Variants in ITSN1 observed in about 807,000 individuals in gnomAD.
ITSN1 encodes intersectin-1.
In ITSN1, 58 loss-of-function variants were observed where a neutral mutation model predicts 239.8. The ratio of observed to expected loss-of-function variants is 0.24; its 90% confidence interval spans 0.20 to 0.30. The LOEUF is 0.30. Ranked by LOEUF, ITSN1 falls within the 10% of genes least tolerant of loss-of-function variation. The pLI is 1.00. For missense variants in ITSN1, 1,558 were observed against 2,103.3 expected, an observed-to-expected ratio of 0.74 and a Z score of 5.07; for synonymous variants, 780 against 770.8, an observed-to-expected ratio of 1.01 and a Z score of -0.20.
intron 4 of ITSN1, among the ~76,000 whole-genome samples, chr21:33,727,956 CAGCA>C (rs1422127793): frequency 2.0e-5 from 3 of 151,538 alleles, no homozygotes; most frequent in Non-Finnish European, 4.4e-5. Flanking sequence ...AGTCTCCAAA[CAGCA>C]GCTGGAATTT....
chr21:33,728,609 T>G (rs2147180822), intron 4 of ITSN1, among the ~76,000 whole-genome samples: 1 of 152,272 alleles, frequency 6.6e-6, no homozygotes, highest in African/African-American at 2.4e-5. Flanking sequence ...TATAATTCAG[T>G]TGCTCTAGTT....
rs764741557 is a variant in ITSN1, at chr21:33,819,310, C to T, written c.3003C>T (p.Val1001=). ...KRVASPAAKP[V]VSGEEFIAMY... is the part of the protein sequence containing the mutation. ...TAGCCTCTCCAGCAGCCAAGCCGGT[C>T]GTTTCGGGAGAAGGTGAGGGCCTGA... The change falls in exon 24 of 40, where the codon GTC becomes GTT. Residue 1001 remains valine, a synonymous_variant. Coordinates refer to ENST00000381318, the MANE Select transcript of ITSN1 (RefSeq NM_003024.3). 1 of 1,613,794 alleles carries T rather than the reference C, an allele frequency of 6.2e-7. No individual in the cohort carries two copies. Among genetic ancestry groups the T allele is most frequent in the Non-Finnish European group, 8.5e-7 (1 of 1,179,744 alleles).
intron 28 of ITSN1, among the ~76,000 whole-genome samples, chr21:33,835,411 A>G (rs979964991): frequency 1.1e-4 from 17 of 152,204 alleles, no homozygotes; most frequent in Non-Finnish European, 4.4e-5. Flanking sequence ...GGAGAATTTA[A>G]AAAGCCTAAA....
chr21:33,847,612 C>T (rs936169194), intron 29 of ITSN1, among the ~76,000 whole-genome samples: 5 of 152,124 alleles, frequency 3.3e-5, no homozygotes, highest in Admixed American at 6.5e-5. Flanking sequence ...GTGGTGGCAG[C>T]GTGGCCTGAG....
At position 33,898,590 on chromosome 21, in the gene ITSN1, C is replaced by T. The variant is rs1184211928; in HGVS notation, c.*10290C>T. On this transcript the variant is annotated 3_prime_UTR_variant, in exon 40 of 40. Transcript: ENST00000381318. ...AAATGATTTCAGGAGGGGGCAACCC[C>T]AGGAGTCCAGCCTCCCCTGGCAGCC... The T allele has an allele frequency of 6.6e-6, 1 of 152,242 alleles. No individual in the cohort carries two copies. The highest frequency in any genetic ancestry group is 2.4e-5 in the African/African-American group (1 of 41,456). The allele number at this position is 152,242 out of a possible 1,614,324, so 9.4% of individuals were successfully genotyped here.
intron 5 of ITSN1, among the ~76,000 whole-genome samples, chr21:33,743,565 C>G (rs1336709794): frequency 6.6e-6 from 1 of 152,074 alleles, no homozygotes; most frequent in Non-Finnish European, 1.5e-5. Context: ...CAGCAGGAGT[C>G]CCTGAGGAAG....
rs2072872875 is a variant in ITSN1, at chr21:33,811,048, C to T, written c.2393C>T (p.Ala798Val). Residue 798 changes from alanine (A) to valine (V), a missense_variant, in exon 21 of 40, where the codon GCA (alanine) becomes GTA (valine). Around this residue, in one of 2 missense-constraint regions of ITSN1, gnomAD observed 982 missense variants for 1,209.9 expected, o/e 0.81. Coordinates refer to ENST00000381318, the MANE Select transcript of ITSN1 (RefSeq NM_003024.3). Reference sequence around the variant, plus strand: ...AAAGGAAAGACAGGGTGGTTCCCTGCAAACTATGCAGAGAAAATCCCAGAA... The same window carrying T: ...AAAGGAAAGACAGGGTGGTTCCCTGTAAACTATGCAGAGAAAATCCCAGAA... ...ELKGKTGWFPANYAEKIPENE... is the reference protein window; with the variant it reads ...ELKGKTGWFPVNYAEKIPENE... 5 of 1,614,188 alleles carry T rather than the reference C, an allele frequency of 3.1e-6. No individual in the cohort carries two copies. Among genetic ancestry groups the T allele is most frequent in the Non-Finnish European group, 4.2e-6 (5 of 1,180,016 alleles).
intron 7 of ITSN1, among the ~76,000 whole-genome samples, chr21:33,752,548 T>C (rs1218262994): frequency 6.6e-6 from 1 of 152,214 alleles, no homozygotes; most frequent in Non-Finnish European, 1.5e-5. Context: ...TACCCTTGCA[T>C]ACTGCTACAT....
intron 1 of ITSN1, among the ~76,000 whole-genome samples, chr21:33,705,624 C>G (rs1335676007): frequency 6.6e-6 from 1 of 152,088 alleles, no homozygotes; most frequent in Non-Finnish European, 1.5e-5. Context: ...GATCTCCTGA[C>G]CTCATGATCC....
intron 1 of ITSN1, among the ~76,000 whole-genome samples, chr21:33,697,234 ATTTTT>A (rs11419453): frequency 1.9e-4 from 23 of 121,682 alleles, no homozygotes; most frequent in Non-Finnish European, 3.4e-4. Context: ...CACCTGGCTA[ATTTTT>A]TTTTTTTTTT....
chr21:33,701,302 C>A (rs909074573), intron 1 of ITSN1, among the ~76,000 whole-genome samples: 1 of 151,878 alleles, frequency 6.6e-6, no homozygotes, highest in African/African-American at 2.4e-5. Context: ...GGTTTTGCCA[C>A]GTCACCCAGA....
At chr21:33,862,938 A>G (rs148976271) in intron 31 of ITSN1, among the ~76,000 whole-genome samples, 91 of 152,318 alleles carry the variant, frequency 6.0e-4, no homozygotes, top group African/African-American at 2.1e-3. Context: ...GTGTTCAGCA[A>G]TCATTGAGCG....
chr21:33,802,319 G>A lies in ITSN1; in HGVS notation c.2305-111G>A, dbSNP rs537694129. On this transcript the variant is annotated intron_variant, in intron 19 of 39. Coordinates refer to ENST00000381318, the MANE Select transcript of ITSN1 (RefSeq NM_003024.3). ...TGAAACCTTTTCCTCGAATTGGCTA[G>A]TTAACCACCAGCTTGATGAGATGCG... is the stretch of plus-strand genomic sequence containing the variant. 3 of 1,084,332 alleles carry A rather than the reference G, an allele frequency of 2.8e-6. No individual in the cohort carries two copies. The South Asian group carries it at 4.3e-5, about 16-fold the overall frequency. The allele number at this position is 1,084,332 out of a possible 1,614,324, so 67.2% of individuals were successfully genotyped here. A position where few individuals can be genotyped will look rare whatever the true frequency, so the allele number is the denominator to read the frequency against.
chr21:33,769,396 T>A (rs553039111), intron 11 of ITSN1, among the ~76,000 whole-genome samples: 128 of 152,318 alleles, frequency 8.4e-4, no homozygotes, highest in African/African-American at 2.6e-3. Flanking sequence ...GAGAGTTTTT[T>A]AAATTGAGAT....
chr21:33,816,506 G>A (rs1169779714), intron 22 of ITSN1, among the ~76,000 whole-genome samples: 1 of 152,180 alleles, frequency 6.6e-6, no homozygotes, highest in Non-Finnish European at 1.5e-5. Context: ...AGTTGCCAAA[G>A]CCAGAAAATT....
At chr21:33,702,147 G>T (rs2092050889) in intron 1 of ITSN1, among the ~76,000 whole-genome samples, 1 of 149,148 alleles carries the variant, frequency 6.7e-6, no homozygotes, top group Non-Finnish European at 1.5e-5. Context: ...ACGGAGTCTT[G>T]CTCCGTTGCT....
intron 1 of ITSN1, among the ~76,000 whole-genome samples, chr21:33,715,644 A>G (rs2065090952): frequency 1.3e-5 from 2 of 152,234 alleles, no homozygotes; most frequent in African/African-American, 4.8e-5. Flanking sequence ...TCTAAAGGGA[A>G]TCTACAGTGA....
At chr21:33,854,242 A>C (rs1978887621) in intron 29 of ITSN1, among the ~76,000 whole-genome samples, 1 of 152,248 alleles carries the variant, frequency 6.6e-6, no homozygotes, top group African/African-American at 2.4e-5. Context: ...TGGTCCAGCC[A>C]GTGGCCACTA....
At chr21:33,709,869 TTCTTG>T (rs1402599766) in intron 1 of ITSN1, among the ~76,000 whole-genome samples, 2 of 152,110 alleles carry the variant, frequency 1.3e-5, no homozygotes, top group Non-Finnish European at 2.9e-5. Context: ...CTTGTTGTTT[TTCTTG>T]TCTTATTACT....
Sources: gnomAD v4.1 joint callset for allele counts (sites outside exome capture counted in the v4.1 genomes callset) on GRCh38, gnomAD v4.1.1 for gene constraint, gnomAD v4.1.1 regional missense constraint, MANE v1.5 for transcripts, NCBI Gene and HGNC (gene_info 2026-07-23, HGNC 2026-07-21) for gene names.